Variants in MED9 observed in about 807,000 individuals in gnomAD.
MED9 encodes mediator of RNA polymerase II transcription subunit 9.
In MED9, 8 loss-of-function variants were observed where a neutral mutation model predicts 13.2. That is an observed-to-expected ratio of 0.61 (90% CI 0.36 to 1.10). The LOEUF is 1.10. MED9 is among the 50% of genes least tolerant of loss of function. The pLI is 0.02. For synonymous variants in MED9, 87 were observed against 82.8 expected (o/e 1.05, Z -0.28); for missense variants, 180 against 193.4 (o/e 0.93, Z 0.41).
At chr17:17,486,917 T>C (rs1192769207) in intron 1 of MED9, 1 of 152,420 alleles carries the variant, frequency 6.6e-6, no homozygotes, top group Non-Finnish European at 1.5e-5. Flanking sequence ...AGTGCACCAA[T>C]CTACACTCTG....
intron 1 of MED9, among the ~76,000 whole-genome samples, chr17:17,484,054 T>C (rs963236950): frequency 6.6e-6 from 1 of 152,130 alleles, no homozygotes; most frequent in African/African-American, 2.4e-5. Context: ...ATTTTAAAAA[T>C]GCATCATAAA....
chr17:17,487,912 A>C (rs1012612822), intron 1 of MED9: 1 of 152,198 alleles, frequency 6.6e-6, no homozygotes, highest in African/African-American at 2.4e-5. Flanking sequence ...CAAATAAGAA[A>C]AGTTTGTGTG....
At chr17:17,489,353 T>A (rs905210405) in intron 1 of MED9, among the ~76,000 whole-genome samples, 41 of 152,340 alleles carry the variant, frequency 2.7e-4, no homozygotes, top group Non-Finnish European at 2.5e-4. Context: ...CACTTTCAAC[T>A]TTCAGAACTA....
chr17:17,477,483 A>G (rs1904944756), intron 1 of MED9: 1 of 551,624 alleles, frequency 1.8e-6, no homozygotes, highest in South Asian at 2.5e-5. Context: ...ATCCTTAAGA[A>G]TGAAGCCAGC....
In MED9 at chr17:17,477,205, C is replaced by T; in HGVS notation, c.164C>T (p.Ala55Val). The T allele has an allele frequency of 6.2e-7, 1 of 1,610,582 alleles. No individual in the cohort carries two copies. The highest frequency in any genetic ancestry group is 8.5e-7 in the Non-Finnish European group (1 of 1,178,126). Reference sequence around the variant, plus strand: ...CCGGCGCCACGGCCTCAGTCACCTGCCCGCGCGAGGGAGGAAGAGAACTAC... The same window carrying T: ...CCGGCGCCACGGCCTCAGTCACCTGTCCGCGCGAGGGAGGAAGAGAACTAC... ...QSPAPRPQSP[A>V]RAREEENYSF... Residue 55 changes from alanine to valine, a missense_variant, in exon 1 of 2, where the codon GCC becomes GTC. Ala to Val is a moderately conservative substitution (Grantham distance 64, BLOSUM62 0). Coordinates refer to ENST00000268711, the MANE Select transcript of MED9 (RefSeq NM_018019.3).
intron 1 of MED9, among the ~76,000 whole-genome samples, chr17:17,490,144 A>C (rs1374064335): frequency 6.6e-6 from 1 of 152,224 alleles, no homozygotes; most frequent in East Asian, 1.9e-4. Flanking sequence ...CTTTTAAAAA[A>C]CGTATAGGAA....
chr17:17,482,530 T>G (rs554617676), intron 1 of MED9, among the ~76,000 whole-genome samples: 3 of 152,346 alleles, frequency 2.0e-5, no homozygotes, highest in Admixed American at 6.5e-5. Flanking sequence ...TCAAATGTAC[T>G]GTAAATACTT....
At position 17,492,619 on chromosome 17, in the gene MED9, C is replaced by T. The variant is rs1905260887; in HGVS notation, c.*1124C>T. ...GTTTTATTTGTGTGCTCTCCCTTGA[C>T]TGTCAGATTGAAGTAAGAGCAGTTC... On this transcript the variant is annotated 3_prime_UTR_variant, in exon 2 of 2. Transcript: ENST00000268711. 6.6e-6 allele frequency: 1 copy of T among 152,242 alleles called. No homozygotes were observed. The highest frequency in any genetic ancestry group is 2.1e-4 in the South Asian group (1 of 4,830). The allele number at this position is 152,242 out of a possible 1,614,324, so 9.4% of individuals were successfully genotyped here.
At chr17:17,480,512 C>T (rs1044873630) in intron 1 of MED9, among the ~76,000 whole-genome samples, 21 of 152,116 alleles carry the variant, frequency 1.4e-4, no homozygotes, top group African/African-American at 4.3e-4. Context: ...ACGGGTCAGG[C>T]GCGGTGCCTC....
chr17:17,479,983 G>C (rs1905003526), intron 1 of MED9, among the ~76,000 whole-genome samples: 1 of 152,128 alleles, frequency 6.6e-6, no homozygotes, highest in Non-Finnish European at 1.5e-5. Context: ...GTGGGTCTAA[G>C]AACAGGAAGA....
chr17:17,489,481 G>T (rs1303416397), intron 1 of MED9, among the ~76,000 whole-genome samples: 8 of 152,002 alleles, frequency 5.3e-5, no homozygotes, highest in African/African-American at 1.9e-4. Flanking sequence ...CATGTGAGTC[G>T]GTTTTTTTAA....
rs555132549 is a variant in MED9, at chr17:17,489,107, T to G, written c.225-2172T>G. On this transcript the variant is annotated intron_variant, in intron 1 of 1. Transcript: ENST00000268711. The stretch of plus-strand genomic sequence containing the variant: ...AGATGCCCACTTCTGAATAGCATGT[T>G]CTCTTCACTCCAGGAGTTCCATGCT... 2.0e-5 allele frequency among the ~76,000 whole-genome samples: 3 copies of G among 152,362 alleles called. No homozygotes were observed. The South Asian group carries it at 6.2e-4, about 32-fold the overall frequency.
chr17:17,491,243 A>T, intron 1 of MED9, 36 bp from the exon 2 acceptor site: 1 of 1,569,696 alleles, frequency 6.4e-7, no homozygotes, highest in Non-Finnish European at 8.8e-7. Flanking sequence ...GACGTGTATC[A>T]AGCTGTGAAT....
intron 1 of MED9, 143 bp downstream of exon 1, chr17:17,477,408 C>CTT (rs902504036): frequency 7.2e-5 from 64 of 884,128 alleles, no homozygotes; most frequent in Non-Finnish European, 1.0e-4. Flanking sequence ...GGGAAGAGGC[C>CTT]TTTCCCAAGA....
intron 1 of MED9, among the ~76,000 whole-genome samples, chr17:17,489,804 A>G (rs1388625730): frequency 6.6e-6 from 1 of 152,194 alleles, no homozygotes; most frequent in Non-Finnish European, 1.5e-5. Flanking sequence ...TTGATTCTCC[A>G]TACCCTCCCT....
At chr17:17,477,304 C>A in intron 1 of MED9, 39 bp downstream of exon 1, 1 of 1,524,530 alleles carries the variant, frequency 6.6e-7, no homozygotes, top group South Asian at 1.3e-5. Context: ...ATACTCCCTC[C>A]AGCTTCTCCT....
intron 1 of MED9, among the ~76,000 whole-genome samples, chr17:17,480,951 A>G (rs572125358): frequency 9.8e-5 from 15 of 152,336 alleles, no homozygotes; most frequent in African/African-American, 3.1e-4. Context: ...TGAGTCTTCA[A>G]TTAGGAAAGG....
chr17:17,480,484 C>G (rs189355688), intron 1 of MED9, among the ~76,000 whole-genome samples: 5 of 152,160 alleles, frequency 3.3e-5, no homozygotes, highest in Admixed American at 6.5e-5. Context: ...TAGGAAGAAA[C>G]CCCCTGGTAA....
chr17:17,480,602 G>A (rs565008645), intron 1 of MED9, among the ~76,000 whole-genome samples: 5 of 152,268 alleles, frequency 3.3e-5, no homozygotes, highest in South Asian at 2.1e-4. Context: ...GCTACGGTGA[G>A]CCATGATCGC....
Sources: allele counts gnomAD v4.1 joint callset (sites outside exome capture counted in the v4.1 genomes callset), GRCh38; gene constraint gnomAD v4.1.1; transcripts MANE v1.5; gene names NCBI Gene and HGNC (gene_info 2026-07-23, HGNC 2026-07-21).